The following CD82 variants were observed in gnomAD, a reference collection of about 807,000 sequenced individuals.
CD82 encodes the protein CD82 antigen.
A neutral mutation model predicts 37.4 loss-of-function variants in CD82; 36 were observed. That is an observed-to-expected ratio of 0.96 (90% CI 0.74 to 1.27). CD82 has a LOEUF of 1.27. Among genes scored for constraint, CD82 ranks in the 50% most tolerant of loss-of-function variants. The pLI is 0.00. For synonymous variants in CD82, 158 were observed against 137.4 expected, an observed-to-expected ratio of 1.15 and a Z score of -1.05; for missense variants, 340 against 347.0, an observed-to-expected ratio of 0.98 and a Z score of 0.16.
rs975017379 is a variant in CD82, at chr11:44,619,923, G to A, written c.*797G>A. On this transcript the variant is annotated 3_prime_UTR_variant, in exon 10 of 10. Coordinates refer to ENST00000227155, the MANE Select transcript of CD82 (RefSeq NM_002231.4). ...TTATATTGAAGGCAGTGGGAGAGGG[G>A]AGAGGGTGGGTTTTACCTGATATTA... 1 of 152,134 alleles carries A rather than the reference G, an allele frequency of 6.6e-6. No homozygotes were observed. Among genetic ancestry groups the A allele is most frequent in the South Asian group, 2.1e-4 (1 of 4,816 alleles). 9.4% of individuals were successfully genotyped at this position (152,134 alleles called of 1,614,324 possible).
intron 1 of CD82, 98 bp downstream of exon 1, chr11:44,565,834 C>T (rs1852725376): frequency 6.6e-6 from 1 of 152,274 alleles, no homozygotes; most frequent in African/African-American, 2.4e-5. Context: ...GACAACTTTC[C>T]TCGGAACTAG....
chr11:44,583,312 C>G (rs1853007812), intron 1 of CD82, among the ~76,000 whole-genome samples: 1 of 152,230 alleles, frequency 6.6e-6, no homozygotes, highest in Non-Finnish European at 1.5e-5. Context: ...CTGCTGGTTC[C>G]CACTCTGCAC....
At chr11:44,605,007 G>A (rs1380387846) in intron 4 of CD82, 51 bp from the exon 5 acceptor site, 1 of 1,613,840 alleles carries the variant, frequency 6.2e-7, no homozygotes, top group Non-Finnish European at 8.5e-7. Flanking sequence ...GGTTAGGCCA[G>A]GTGTTTATAC....
At chr11:44,593,358 C>G (rs752750920) in intron 2 of CD82, among the ~76,000 whole-genome samples, 1 of 152,264 alleles carries the variant, frequency 6.6e-6, no homozygotes. Context: ...CTCCACCCCC[C>G]CAGCCCAGCT....
intron 2 of CD82, among the ~76,000 whole-genome samples, chr11:44,588,946 G>A (rs1033759865): frequency 6.6e-6 from 1 of 152,172 alleles, no homozygotes; most frequent in Non-Finnish European, 1.5e-5. Flanking sequence ...AATTTACCTG[G>A]TGTCAAGTAT....
At chr11:44,588,420 C>T (rs1462416538) in intron 2 of CD82, among the ~76,000 whole-genome samples, 7 of 152,110 alleles carry the variant, frequency 4.6e-5, no homozygotes, top group Non-Finnish European at 7.4e-5. Context: ...GATGGGGTTT[C>T]ACCATGTTGG....
At chr11:44,594,059 G>A (rs1298676972) in intron 2 of CD82, among the ~76,000 whole-genome samples, 1 of 152,218 alleles carries the variant, frequency 6.6e-6, no homozygotes, top group Non-Finnish European at 1.5e-5. Flanking sequence ...AATCTCTGGA[G>A]TGAGATACAT....
chr11:44,619,229 A>G lies in CD82; in HGVS notation c.*103A>G. On this transcript the variant is annotated 3_prime_UTR_variant, in exon 10 of 10. Transcript: ENST00000227155. ...GCCTGCCTCCCACTTCACTGCGAAG[A>G]CCCTCTTGCCCATCCTGACTGAAAG... 1.1e-6 allele frequency: 1 copy of G among 933,032 alleles called. No homozygotes were observed. Among genetic ancestry groups the G allele is most frequent in the Non-Finnish European group, 1.8e-6 (1 of 568,098 alleles). The allele number at this position is 933,032 out of a possible 1,614,324, so 57.8% of individuals were successfully genotyped here. A position where few individuals can be genotyped will look rare whatever the true frequency, so the allele number is the denominator to read the frequency against.
At chr11:44,566,168 ACT>A (rs1280022202) in intron 1 of CD82, 4 of 152,206 alleles carry the variant, frequency 2.6e-5, no homozygotes, top group Non-Finnish European at 5.9e-5. Flanking sequence ...TAAAGAGTGC[ACT>A]GTTTCCTCGG....
Position 44,582,303 on chromosome 11 carries a change from T to C in CD82, c.-102-5172T>C, listed in dbSNP as rs139248286. 2.2e-3 allele frequency among the ~76,000 whole-genome samples: 335 copies of C among 152,352 alleles called. 2 individuals are homozygous for C. Among genetic ancestry groups the C allele is most frequent in the South Asian group, 4.3e-3 (21 of 4,828 alleles). Reference sequence around the variant, plus strand: ...CTCTGCCCAACCTCATTTCAAGTTCTTGGGTGGTGGTGACCTCCCTGGGGC... The same window carrying C: ...CTCTGCCCAACCTCATTTCAAGTTCCTGGGTGGTGGTGACCTCCCTGGGGC... On this transcript the variant is annotated intron_variant, in intron 1 of 9. Coordinates refer to ENST00000227155, the MANE Select transcript of CD82 (RefSeq NM_002231.4).
intron 4 of CD82, among the ~76,000 whole-genome samples, chr11:44,600,502 T>A (rs1853292684): frequency 6.6e-6 from 1 of 152,192 alleles, no homozygotes; most frequent in South Asian, 2.1e-4. Flanking sequence ...TCCTGGCCCC[T>A]TCCCTTGGCC....
chr11:44,584,775 T>C (rs941903716), intron 1 of CD82, among the ~76,000 whole-genome samples: 3 of 152,058 alleles, frequency 2.0e-5, no homozygotes, highest in Non-Finnish European at 4.4e-5. Context: ...GGTCCTGGTG[T>C]CAGCAGGGAT....
At chr11:44,575,597 C>T (rs905160808) in intron 1 of CD82, among the ~76,000 whole-genome samples, 3 of 152,192 alleles carry the variant, frequency 2.0e-5, no homozygotes, top group Non-Finnish European at 2.9e-5. Flanking sequence ...CATCTGCTGG[C>T]CCTGGACCAC....
At chr11:44,587,968 C>G (rs756464609) in intron 2 of CD82, 54 of 228,378 alleles carry the variant, frequency 2.4e-4, no homozygotes, top group Non-Finnish European at 4.2e-4. Context: ...ACCTACCTAC[C>G]CCTCCATCCC....
chr11:44,616,050 G>C (rs1401076173), intron 7 of CD82, among the ~76,000 whole-genome samples: 1 of 152,144 alleles, frequency 6.6e-6, no homozygotes, highest in Non-Finnish European at 1.5e-5. Flanking sequence ...TGCTGCATGT[G>C]CCCTTGGCTG....
At chr11:44,603,782 C>T (rs532385333) in intron 4 of CD82, among the ~76,000 whole-genome samples, 2 of 152,328 alleles carry the variant, frequency 1.3e-5, no homozygotes, top group East Asian at 3.9e-4. Flanking sequence ...CTGACCTCTA[C>T]CTCCCGGAAT....
chr11:44,570,512 G>A lies in CD82; in HGVS notation c.-103+4776G>A, dbSNP rs866921567. Among the ~76,000 whole-genome samples the A allele has an allele frequency of 2.4e-4, 37 of 152,298 alleles. 1 individual carries two copies. In the South Asian group the frequency reaches 2.7e-3, roughly 11 times the overall value. ...GTTAGTGGTTCTCTTGGGTGAGGCC[G>A]GGGGTATCAGCAGTACCTAGCTTGG... On this transcript the variant is annotated intron_variant, in intron 1 of 9. Transcript: ENST00000227155.
chr11:44,605,110 G>C lies in CD82; in HGVS notation c.189G>C (p.Gly63=). 1 of 1,614,216 alleles carries C rather than the reference G, an allele frequency of 6.2e-7. No individual in the cohort carries two copies. ...RMGAYVFIGV[G]AVTMLMGFLG... ...GGGCCTATGTCTTCATCGGCGTGGG[G>C]GCAGTCACTATGCTCATGGGCTTCC... is the stretch of plus-strand genomic sequence containing the variant. Residue 63 remains glycine, a synonymous_variant, in exon 5 of 10, where the codon GGG becomes GGC. Transcript: ENST00000227155.
intron 1 of CD82, among the ~76,000 whole-genome samples, chr11:44,584,347 C>A (rs1259894384): frequency 6.6e-6 from 1 of 152,166 alleles, no homozygotes; most frequent in African/African-American, 2.4e-5. Flanking sequence ...AGTGCAGTGG[C>A]AGGATCTCAG....
Sources: allele counts gnomAD v4.1 joint callset (sites outside exome capture counted in the v4.1 genomes callset), GRCh38; gene constraint gnomAD v4.1.1; transcripts MANE v1.5; gene names NCBI Gene and HGNC (gene_info 2026-07-23, HGNC 2026-07-21).